SF1: variants seen among roughly 807,000 people sequenced by gnomAD.
SF1 encodes the protein splicing factor 1.
A neutral mutation model predicts 62.5 loss-of-function variants in SF1; 7 were observed. The observed-to-expected ratio is 0.11, with a 90% confidence interval of 0.06 to 0.21. SF1 has a LOEUF of 0.21. Ranked by LOEUF, SF1 falls within the 10% of genes least tolerant of loss-of-function variation. The pLI is 1.00. For synonymous variants in SF1, 394 were observed against 323.6 expected (o/e 1.22, Z -2.33); for missense variants, 578 against 884.0 (o/e 0.65, Z 4.39).
At position 64,767,095 on chromosome 11, in the gene SF1, G is replaced by C; in HGVS notation, c.1403-16C>G. 6.2e-7 allele frequency: 1 copy of C among 1,605,124 alleles called. No individual in the cohort carries two copies. Among genetic ancestry groups the C allele is most frequent in the Non-Finnish European group, 8.5e-7 (1 of 1,174,334 alleles). On this transcript the variant is annotated splice_polypyrimidine_tract_variant and intron_variant, in intron 11 of 12. Transcript: ENST00000377390. ...GGCATCATACCTGTGGACAGGTGGA[G>C]GCAAAGATGAGGCCTCAGGGAAAGG...
At chr11:64,773,194 C>T in intron 3 of SF1, 1 of 1,343,942 alleles carries the variant, frequency 7.4e-7, no homozygotes, top group Non-Finnish European at 9.5e-7. Context: ...CAATTGGAAA[C>T]CAGTTGTCCA....
Position 64,769,571 on chromosome 11 carries a change from G to A in SF1, c.518C>T (p.Ala173Val), listed in dbSNP as rs2135920193. The A allele has an allele frequency of 6.2e-7, 1 of 1,613,982 alleles. No homozygotes were observed. The highest frequency in any genetic ancestry group is 8.5e-7 in the Non-Finnish European group (1 of 1,180,002). ...CCCTTTCCCCCGGATCATAATCTTG[G>A]CATTGCACTCCTTCTCTATGTTCTT... is the stretch of plus-strand genomic sequence containing the variant. ...TLKNIEKECN[A>V]KIMIRGKGSV... Residue 173 changes from alanine (A) to valine (V), a missense_variant, in exon 6 of 13, where the codon GCC becomes GTC. This residue lies in a region of SF1 where 16 missense variants were observed against 59.3 expected (regional missense o/e 0.27). Transcript: ENST00000377390.
Position 64,766,137 on chromosome 11 carries a change from G to A in SF1, c.1601C>T (p.Thr534Met), listed in dbSNP as rs745880354. Residue 534 changes from threonine to methionine, a missense_variant, in exon 13 of 13, where the codon ACG (threonine) becomes ATG (methionine). This residue lies in a region of SF1 where 410 missense variants were observed against 452.4 expected (regional missense o/e 0.91). Coordinates refer to ENST00000377390, the MANE Select transcript of SF1 (RefSeq NM_004630.4). ...CGGGATGGACCCTGTGCCAGCGCTC[G>A]TGGTGGTAGTCGTCGTATCTGGGGT... is the stretch of plus-strand genomic sequence containing the variant. ...PWQQNTTTTTTSAGTGSIPPW... is the reference protein window; with the variant it reads ...PWQQNTTTTTMSAGTGSIPPW... 1.4e-5 allele frequency: 22 copies of A among 1,607,026 alleles called. No homozygotes were observed. The highest frequency in any genetic ancestry group is 3.3e-5 in the Admixed American group (2 of 59,968).
chr11:64,778,299 G>A (rs1592547606), intron 1 of SF1, 63 bp downstream of exon 1: 3 of 1,219,154 alleles, frequency 2.5e-6, no homozygotes, highest in South Asian at 4.1e-5. Context: ...GCAGGCGGAG[G>A]GCCCGGCTCG....
In SF1 at chr11:64,769,743, A is replaced by G. The variant is rs1178065141; in HGVS notation, c.480-134T>C. 1.5e-5 allele frequency: 13 copies of G among 863,306 alleles called. No individual in the cohort carries two copies. In the African/African-American group the frequency reaches 1.7e-4, roughly 11 times the overall value. 53.5% of individuals were successfully genotyped at this position (863,306 alleles called of 1,614,324 possible). On this transcript the variant is annotated intron_variant, in intron 5 of 12. Coordinates refer to ENST00000377390, the MANE Select transcript of SF1 (RefSeq NM_004630.4). ...GATTTTCCCACCAAGAGCTCCATGA[A>G]CTCTATATTATGGTCAGCCACAGTA...
At chr11:64,777,723 T>C (rs766347688) in intron 1 of SF1, 8 of 985,450 alleles carry the variant, frequency 8.1e-6, no homozygotes, top group Middle Eastern at 5.2e-4. Context: ...CCCCAGTCTA[T>C]ACAGTTGCGC....
chr11:64,772,779 T>C, intron 3 of SF1: 1 of 985,322 alleles, frequency 1.0e-6, no homozygotes, highest in Non-Finnish European at 1.2e-6. Context: ...ACCACAGCTG[T>C]TTGAGGCCCA....
intron 3 of SF1, chr11:64,772,845 A>T (rs1592499630): frequency 1.0e-6 from 1 of 985,456 alleles, no homozygotes; most frequent in African/African-American, 1.7e-5. Flanking sequence ...TGCCTTCCCA[A>T]AATAGGTGAG....
Position 64,777,635 on chromosome 11 carries a change from A to G in SF1, c.31+727T>C. ...AGGCTTTCACGCCCTGCTGGCATTC[A>G]CAGCTAGCACCCCGTCCAGCGCTGA... On this transcript the variant is annotated intron_variant, in intron 1 of 12. Coordinates refer to ENST00000377390, the MANE Select transcript of SF1 (RefSeq NM_004630.4). 3.0e-6 allele frequency: 3 copies of G among 985,538 alleles called. No homozygotes were observed. In the East Asian group the frequency reaches 3.4e-4, roughly 112 times the overall value. 61.0% of individuals were successfully genotyped at this position (985,538 alleles called of 1,614,324 possible).
chr11:64,767,456 G>A (rs941572996), intron 10 of SF1, 115 bp downstream of exon 10: 7 of 1,200,728 alleles, frequency 5.8e-6, no homozygotes, highest in Non-Finnish European at 8.3e-6. Context: ...TGGCAAGCCA[G>A]GCAGACCCAG....
intron 1 of SF1, chr11:64,777,587 G>C (rs772004726): frequency 5.1e-6 from 5 of 985,442 alleles, no homozygotes; most frequent in Non-Finnish European, 6.0e-6. Flanking sequence ...GACCAGAAGG[G>C]AGTCGCTGCA....
rs775731187 is a variant in SF1 at position 64,765,523 on chromosome 11, C to A, written c.*295G>T. 5.0e-6 allele frequency: 8 copies of A among 1,605,674 alleles called. 1 individual carries two copies. Among genetic ancestry groups the A allele is most frequent in the South Asian group, 1.1e-5 (1 of 89,996 alleles). On this transcript the variant is annotated 3_prime_UTR_variant, in exon 13 of 13. Transcript: ENST00000377390. The stretch of plus-strand genomic sequence containing the variant: ...TCGCCGCCGCGGGGAGGGATCCTGG[C>A]GGCCCGGTTTGGGGAGAGGCAAAGG...
At chr11:64,767,927 G>C (rs1592461137) in intron 9 of SF1, 83 bp from the exon 10 acceptor site, 4 of 1,533,696 alleles carry the variant, frequency 2.6e-6, no homozygotes, top group Non-Finnish European at 1.8e-6. Flanking sequence ...CACAGGACCA[G>C]AACACAAGAA....
At chr11:64,769,874 G>GTT in intron 5 of SF1, 90 bp downstream of exon 5, 1 of 1,014,774 alleles carries the variant, frequency 9.9e-7, no homozygotes, top group Middle Eastern at 2.2e-4. Context: ...AAGGGGAAAA[G>GTT]TAAGCCAACA....
At chr11:64,777,521 C>A in intron 1 of SF1, 10 of 985,506 alleles carry the variant, frequency 1.0e-5, no homozygotes, top group Non-Finnish European at 1.1e-5. Flanking sequence ...AAAACCCTGC[C>A]TTGCTGTAGA....
chr11:64,767,095 G>A lies in SF1; in HGVS notation c.1403-16C>T, dbSNP rs568969867. On this transcript the variant is annotated splice_polypyrimidine_tract_variant and intron_variant, in intron 11 of 12. Transcript: ENST00000377390. Reference sequence around the variant, plus strand: ...GGCATCATACCTGTGGACAGGTGGAGGCAAAGATGAGGCCTCAGGGAAAGG... The same window carrying A: ...GGCATCATACCTGTGGACAGGTGGAAGCAAAGATGAGGCCTCAGGGAAAGG... 5 of 1,605,124 alleles carry A rather than the reference G, an allele frequency of 3.1e-6. No individual in the cohort carries two copies. Among genetic ancestry groups the A allele is most frequent in the South Asian group, 1.1e-5 (1 of 90,244 alleles).
In SF1 at chr11:64,766,115, G is replaced by A; in HGVS notation, c.1623C>T (p.Ile541=). 1.2e-6 allele frequency: 2 copies of A among 1,609,846 alleles called. No homozygotes were observed. Among genetic ancestry groups the A allele is most frequent in the Non-Finnish European group, 1.7e-6 (2 of 1,179,742 alleles). ...CCGCCTGCTGCTGTTGCCATGGCGGGATGGACCCTGTGCCAGCGCTCGTGG... is the reference window on the plus strand; with the variant it reads ...CCGCCTGCTGCTGTTGCCATGGCGGAATGGACCCTGTGCCAGCGCTCGTGG... ...TTTTSAGTGS[I]PPWQQQQAAA... The change falls in exon 13 of 13, where the codon ATC becomes ATT. Residue 541 remains isoleucine, a synonymous_variant. Transcript: ENST00000377390.
At position 64,778,501 on chromosome 11, in the gene SF1, C is replaced by CG. The variant is rs1939792517; in HGVS notation, c.-110_-109insC. The CG allele has an allele frequency of 8.3e-6, 10 of 1,200,982 alleles. No homozygotes were observed. The highest frequency in any genetic ancestry group is 9.3e-6 in the Non-Finnish European group (9 of 967,788). The allele number at this position is 1,200,982 out of a possible 1,614,324, so 74.4% of individuals were successfully genotyped here. On this transcript the variant is annotated 5_prime_UTR_variant, in exon 1 of 13. Coordinates refer to ENST00000377390, the MANE Select transcript of SF1 (RefSeq NM_004630.4). ...GAATGCGCTGCCGGAGCGCGCGGAG[C>CG]CCGTCCTCTCACGCGGCGGGCGGCG...
chr11:64,769,227 T>G lies in SF1; in HGVS notation c.775A>C (p.Asn259His). The G allele has an allele frequency of 6.2e-7, 1 of 1,613,812 alleles. No individual in the cohort carries two copies. The highest frequency in any genetic ancestry group is 8.5e-7 in the Non-Finnish European group (1 of 1,179,676). The change falls in exon 7 of 13, where the codon AAC becomes CAC. Residue 259 changes from asparagine (N) to histidine (H), a missense_variant. Transcript: ENST00000377390. The stretch of plus-strand genomic sequence containing the variant: ...TCCTTTAAACTGATCACATACCTGT[T>G]ATCGTCTTCCCGAAGGGTCCCATTT... The part of the protein sequence containing the change: ...RLNGTLREDD[N>H]RILRPWQSSE...
Sources: gnomAD v4.1 joint callset for allele counts on GRCh38, gnomAD v4.1.1 for gene constraint, gnomAD v4.1.1 regional missense constraint, MANE v1.5 for transcripts, NCBI Gene and HGNC (gene_info 2026-07-23, HGNC 2026-07-21) for gene names.